Variants in BBS2 observed in about 807,000 individuals in gnomAD.
BBS2 encodes Bardet-Biedl syndrome 2.
A neutral mutation model predicts 83.0 loss-of-function variants in BBS2; 62 were observed. That is an observed-to-expected ratio of 0.75 (90% confidence interval 0.61 to 0.92). The LOEUF (loss-of-function observed/expected upper bound fraction) is 0.92, where lower values mean the gene tolerates loss of function less well. Among genes scored for constraint, BBS2 ranks in the 40% least tolerant of loss-of-function variants. BBS2 has a pLI of 0.00. For synonymous variants in BBS2, 303 were observed against 326.1 expected (o/e 0.93, Z 0.76); for missense variants, 784 against 901.0 (o/e 0.87, Z 1.66).
chr16:56,475,469 A>G (rs781031302), intron 17 of BBS2: 6 of 1,595,912 alleles, frequency 3.8e-6, no homozygotes, highest in Non-Finnish European at 8.6e-7. Context: ...CTCTTTCAAT[A>G]GGAGCTTTCT....
At chr16:56,483,853 C>A (rs532325845), downstream of BBS2, among the ~76,000 whole-genome samples, 2 of 151,850 alleles carry the variant, frequency 1.3e-5, no homozygotes, top group East Asian at 3.9e-4. Flanking sequence ...GTGTCCACCA[C>A]CAAACCTGGC....
At chr16:56,489,351 T>G (rs1963874200) in intron 15 of BBS2, among the ~76,000 whole-genome samples, 1 of 152,038 alleles carries the variant, frequency 6.6e-6, no homozygotes, top group Admixed American at 6.5e-5. Flanking sequence ...AAAATAATTT[T>G]TTTTAAAAAA....
At chr16:56,510,502 G>T (rs1233951843) in intron 4 of BBS2, among the ~76,000 whole-genome samples, 1 of 152,206 alleles carries the variant, frequency 6.6e-6, no homozygotes, top group African/African-American at 2.4e-5. Context: ...AAAACATTTA[G>T]ATTCCTCAAA....
intron 5 of BBS2, among the ~76,000 whole-genome samples, chr16:56,506,429 A>C (rs1964424988): frequency 6.6e-6 from 1 of 152,202 alleles, no homozygotes; most frequent in Non-Finnish European, 1.5e-5. Flanking sequence ...GATTTAAATA[A>C]ACTCACAGGG....
chr16:56,504,195 T>C (rs966021875), intron 7 of BBS2, among the ~76,000 whole-genome samples: 5 of 152,194 alleles, frequency 3.3e-5, no homozygotes, highest in Non-Finnish European at 5.9e-5. Flanking sequence ...CTAAAGCCTG[T>C]GAAAGAACGA....
At chr16:56,513,103 G>C (rs1964625164) in intron 2 of BBS2, among the ~76,000 whole-genome samples, 1 of 152,170 alleles carries the variant, frequency 6.6e-6, no homozygotes, top group South Asian at 2.1e-4. Flanking sequence ...AGTAAGCCAT[G>C]ATCATGCCAC....
At chr16:56,500,178 A>C (rs1964226629) in intron 11 of BBS2, 1 of 403,782 alleles carries the variant, frequency 2.5e-6, no homozygotes, top group African/African-American at 2.0e-5. Context: ...TATCTTCCAC[A>C]AATAGAGCAG....
At chr16:56,508,803 C>T (rs1372277910) in intron 5 of BBS2, among the ~76,000 whole-genome samples, 1 of 151,864 alleles carries the variant, frequency 6.6e-6, no homozygotes, top group African/African-American at 2.4e-5. Context: ...GTGCCATCAC[C>T]TTCTGGCTAA....
chr16:56,513,764 G>T (rs1289351777), intron 2 of BBS2, among the ~76,000 whole-genome samples: 1 of 152,160 alleles, frequency 6.6e-6, no homozygotes, highest in Non-Finnish European at 1.5e-5. Context: ...GAAAATTGAT[G>T]ATGGTGATGG....
rs1399666461 is a variant in BBS2, at chr16:56,484,477, T to A, written c.*284A>T. ...TTCAAGAAAAAAATATGTATTTATA[T>A]ACCATAAATAAGCAAAATTGGACTC... On this transcript the variant is annotated 3_prime_UTR_variant, in exon 17 of 17. Transcript: ENST00000245157. 1 of 282,780 alleles carries A rather than the reference T, an allele frequency of 3.5e-6. No homozygotes were observed. The highest frequency in any genetic ancestry group is 2.1e-5 in the African/African-American group (1 of 46,802). The allele number at this position is 282,780 out of a possible 1,614,324, so 17.5% of individuals were successfully genotyped here. A position where few individuals can be genotyped will look rare whatever the true frequency, so the allele number is the denominator to read the frequency against.
At chr16:56,503,338 G>A (rs182387208) in intron 7 of BBS2, among the ~76,000 whole-genome samples, 12 of 152,134 alleles carry the variant, frequency 7.9e-5, no homozygotes, top group African/African-American at 2.4e-4. Flanking sequence ...ACAGAAGTAC[G>A]TAATAAATGT....
Position 56,500,445 on chromosome 16 carries a change from G to A in BBS2, c.1397+409C>T, listed in dbSNP as rs192142008. On this transcript the variant is annotated intron_variant, in intron 11 of 16. Coordinates refer to ENST00000245157, the MANE Select transcript of BBS2 (RefSeq NM_031885.5). ...GTTCAAGACCAGCCTGGCCAACATGGTGAACTCCTGTCTCTACTAAAAATA... is the reference window on the plus strand; with the variant it reads ...GTTCAAGACCAGCCTGGCCAACATGATGAACTCCTGTCTCTACTAAAAATA... The A allele has an allele frequency of 1.9e-4, 49 of 252,714 alleles. 1 individual carries two copies. The highest frequency in any genetic ancestry group is 1.1e-3 in the African/African-American group (48 of 43,392). 15.7% of individuals were successfully genotyped at this position (252,714 alleles called of 1,614,324 possible).
rs571476004 is a variant in BBS2 at position 56,494,812 on chromosome 16, A to C, written c.1910+2155T>G. Among the ~76,000 whole-genome samples, 22 of 152,174 alleles carry C rather than the reference A, an allele frequency of 1.4e-4. No individual in the cohort carries two copies. The South Asian group carries it at 4.6e-3, about 32-fold the overall frequency. ...CCTGTCTCTACTGAAAATACAAAAA[A>C]TTAGCCGGGCTTGGTGGCGGGCGCC... On this transcript the variant is annotated intron_variant, in intron 15 of 16. Coordinates refer to ENST00000245157, the MANE Select transcript of BBS2 (RefSeq NM_031885.5).
chr16:56,490,954 G>T (rs1963933999), intron 15 of BBS2, among the ~76,000 whole-genome samples: 1 of 151,842 alleles, frequency 6.6e-6, no homozygotes, highest in African/African-American at 2.4e-5. Context: ...GTAGAGACAG[G>T]GTTTCACCAT....
In BBS2 at chr16:56,502,784, C is replaced by G; in HGVS notation, c.829G>C (p.Gly277Arg). ...AAATTGTCCTTAAAGATGACCTCCC[C>G]AGTTCGGTCACTTCGAGCATCAACC... ...GKVDARSDRT[G>R]EVIFKDNFSS... The change falls in exon 8 of 17, where the codon GGG (glycine) becomes CGG (arginine). Residue 277 changes from glycine to arginine, a missense_variant. Coordinates refer to ENST00000245157, the MANE Select transcript of BBS2 (RefSeq NM_031885.5). The G allele has an allele frequency of 6.2e-7, 1 of 1,614,208 alleles. No homozygotes were observed.
At chr16:56,516,937 A>G (rs1964767635) in intron 1 of BBS2, among the ~76,000 whole-genome samples, 1 of 152,186 alleles carries the variant, frequency 6.6e-6, no homozygotes. Flanking sequence ...TTGTTTACAG[A>G]GCTGAACACA....
Position 56,510,895 on chromosome 16 carries a change from C to G in BBS2, c.498G>C (p.Leu166Phe), listed in dbSNP as rs755853315. 1.2e-6 allele frequency: 2 copies of G among 1,614,132 alleles called. No homozygotes were observed. Among genetic ancestry groups the G allele is most frequent in the Non-Finnish European group, 8.5e-7 (1 of 1,180,014 alleles). Residue 166 changes from leucine to phenylalanine, a missense_variant, in exon 4 of 17, where the codon TTG becomes TTC. Transcript: ENST00000245157. The part of the protein sequence containing the change: ...WTVTGDNVNS[L>F]ALCDFDGDGK... ...CATCACCATCAAAGTCACACAAGGC[C>G]AAGGAATTAACATTGTCTCCAGTAA... is the stretch of plus-strand genomic sequence containing the variant.
intron 17 of BBS2, among the ~76,000 whole-genome samples, chr16:56,472,214 C>A (rs9940094): frequency 0.2 from 30,701 of 151,864 alleles, 3,268 homozygotes; most frequent in Non-Finnish European, 0.24. Context: ...AAGTAATCCT[C>A]CTACCTTGTC....
chr16:56,517,321 C>T (rs1286950421), intron 1 of BBS2, among the ~76,000 whole-genome samples: 2 of 152,230 alleles, frequency 1.3e-5, no homozygotes, highest in Non-Finnish European at 2.9e-5. Context: ...TGGCTTGTGT[C>T]TACCTCATGA....
Sources: allele counts gnomAD v4.1 joint callset (sites outside exome capture counted in the v4.1 genomes callset), GRCh38; gene constraint gnomAD v4.1.1; transcripts MANE v1.5; gene names NCBI Gene and HGNC (gene_info 2026-07-23, HGNC 2026-07-21).